SMOC2: variants seen among roughly 807,000 people sequenced by gnomAD.
SMOC2 encodes SPARC-related modular calcium-binding protein 2.
Under a neutral mutation model 61.4 loss-of-function variants are expected in SMOC2, and 39 were observed. The observed-to-expected ratio is 0.64, with a 90% confidence interval of 0.49 to 0.83. The LOEUF is 0.83. Among genes scored for constraint, SMOC2 ranks in the 40% least tolerant of loss-of-function variants. The probability of loss-of-function intolerance (pLI) is 0.00; values close to 1 mark genes in which losing one functional copy is unlikely to be tolerated. For synonymous variants in SMOC2, 247 were observed against 239.9 expected (o/e 1.03, Z -0.27); for missense variants, 556 against 592.9 (o/e 0.94, Z 0.65).
chr6:168,571,332 G>T (rs1223562672), intron 7 of SMOC2, among the ~76,000 whole-genome samples: 1 of 152,162 alleles, frequency 6.6e-6, no homozygotes, highest in African/African-American at 2.4e-5. Flanking sequence ...ATTCTGTTAC[G>T]CAGTGCTGCA....
chr6:168,653,373 T>A, intron 11 of SMOC2, 145 bp downstream of exon 11: 1 of 961,578 alleles, frequency 1.0e-6, no homozygotes, highest in Non-Finnish European at 1.5e-6. Context: ...TGGGCGTCTG[T>A]TTGCAGAAAT....
chr6:168,531,843 C>T (rs1783610307), intron 4 of SMOC2, among the ~76,000 whole-genome samples: 1 of 152,280 alleles, frequency 6.6e-6, no homozygotes, highest in South Asian at 2.1e-4. Context: ...GTTTCTCCCC[C>T]AAATACCAAA....
At chr6:168,490,184 A>G (rs1317516609) in intron 1 of SMOC2, among the ~76,000 whole-genome samples, 1 of 149,698 alleles carries the variant, frequency 6.7e-6, no homozygotes. Flanking sequence ...AAATATATCA[A>G]ATTGTCTGGG....
At chr6:168,649,142 G>A (rs950276416) in intron 9 of SMOC2, among the ~76,000 whole-genome samples, 2 of 152,196 alleles carry the variant, frequency 1.3e-5, no homozygotes, top group Non-Finnish European at 2.9e-5. Context: ...GCGGGGAAGG[G>A]GCCGTCCTCA....
At chr6:168,552,742 GT>G (rs1377114120) in intron 7 of SMOC2, among the ~76,000 whole-genome samples, 1 of 151,992 alleles carries the variant, frequency 6.6e-6, no homozygotes, top group Non-Finnish European at 1.5e-5. Flanking sequence ...CTCCTGTGGG[GT>G]TTGAACCAAA....
intron 9 of SMOC2, among the ~76,000 whole-genome samples, chr6:168,642,043 T>A (rs1171258674): frequency 2.0e-5 from 3 of 152,254 alleles, no homozygotes; most frequent in Non-Finnish European, 4.4e-5. Flanking sequence ...GCTTTTTCTT[T>A]AGTGTCTTTT....
intron 11 of SMOC2, among the ~76,000 whole-genome samples, chr6:168,653,817 T>C (rs75919385): frequency 8.8e-4 from 124 of 140,188 alleles, no homozygotes; most frequent in South Asian, 2.1e-3. Flanking sequence ...ACCACCCCTG[T>C]ACCTGAGCTC....
intron 1 of SMOC2, among the ~76,000 whole-genome samples, chr6:168,499,158 A>G (rs375661033): frequency 3.4e-5 from 5 of 146,808 alleles, no homozygotes; most frequent in African/African-American, 5.0e-5. Flanking sequence ...CCTGTCTACT[A>G]CACATGGAAA....
At chr6:168,552,135 T>C (rs2180347) in intron 7 of SMOC2, among the ~76,000 whole-genome samples, 7,995 of 152,274 alleles carry the variant, frequency 0.053, 337 homozygotes, top group South Asian at 0.18. Flanking sequence ...ATGTTCTTTC[T>C]GAGGGGCTGA....
intron 12 of SMOC2, among the ~76,000 whole-genome samples, chr6:168,666,051 TAAG>T (rs1787654298): frequency 6.6e-6 from 1 of 152,162 alleles, no homozygotes; most frequent in African/African-American, 2.4e-5. Context: ...AAAGGAAAAT[TAAG>T]AATCAACTAT....
chr6:168,548,953 T>A (rs1403147009), intron 6 of SMOC2, among the ~76,000 whole-genome samples, 176 bp from the exon 7 acceptor site: 1 of 152,228 alleles, frequency 6.6e-6, no homozygotes, highest in Non-Finnish European at 1.5e-5. Flanking sequence ...TAAATGTATA[T>A]TATGATTTCC....
chr6:168,582,049 C>T (rs538397556), intron 7 of SMOC2, among the ~76,000 whole-genome samples: 27 of 152,318 alleles, frequency 1.8e-4, no homozygotes, highest in African/African-American at 5.8e-4. Flanking sequence ...TGCCCGTTTC[C>T]TGATTTCTTC....
chr6:168,541,343 T>A (rs1318346954), intron 4 of SMOC2, among the ~76,000 whole-genome samples: 1 of 152,196 alleles, frequency 6.6e-6, no homozygotes, highest in Non-Finnish European at 1.5e-5. Context: ...CACAAAGGTG[T>A]TCACTGTCTG....
rs201140935 is a variant in SMOC2, at chr6:168,598,885, G to T, written c.705G>T (p.Val235=). 32 of 1,613,870 alleles carry T rather than the reference G, an allele frequency of 2.0e-5. No homozygotes were observed. In the East Asian group the frequency reaches 5.8e-4, roughly 29 times the overall value. ...EEAKQPKNDN[V]VIPECAHGGL... ...CCAAGCAGCCCAAGAACGACAATGTGGTGATCCCTGAGTGTGCGCACGGCG... is the reference window on the plus strand; with the variant it reads ...CCAAGCAGCCCAAGAACGACAATGTTGTGATCCCTGAGTGTGCGCACGGCG... Residue 235 remains valine, a synonymous_variant, in exon 8 of 13, where the codon GTG becomes GTT. Coordinates refer to ENST00000356284, the MANE Select transcript of SMOC2 (RefSeq NM_001166412.2).
intron 11 of SMOC2, among the ~76,000 whole-genome samples, chr6:168,662,942 A>G (rs1467705500): frequency 6.6e-6 from 1 of 152,200 alleles, no homozygotes; most frequent in Non-Finnish European, 1.5e-5. Flanking sequence ...TTGCAAGGGA[A>G]GATAATGAGT....
intron 1 of SMOC2, among the ~76,000 whole-genome samples, chr6:168,504,165 T>C (rs982763288): frequency 1.3e-5 from 2 of 152,078 alleles, no homozygotes; most frequent in African/African-American, 4.8e-5. Flanking sequence ...CCAGCTCCTC[T>C]GGGTTCCTTA....
chr6:168,656,521 A>AAAG (rs1562408448), intron 11 of SMOC2, among the ~76,000 whole-genome samples: 3 of 144,526 alleles, frequency 2.1e-5, no homozygotes, highest in East Asian at 4.1e-4. Context: ...AAAAAAAAAA[A>AAAG]AAAAAAAAAG....
Position 168,547,188 on chromosome 6 carries a change from T to C in SMOC2, c.562+19T>C. 1 of 1,612,894 alleles carries C rather than the reference T, an allele frequency of 6.2e-7. No individual in the cohort carries two copies. The highest frequency in any genetic ancestry group is 2.2e-5 in the East Asian group (1 of 44,856). On this transcript the variant is annotated intron_variant, in intron 6 of 12. Transcript: ENST00000356284. The stretch of plus-strand genomic sequence containing the variant: ...GAAGAAGGTGAGCCGGGGTGGGGAT[T>C]GCACAGTCTGGGTTGGGGAGGAGTG...
intron 6 of SMOC2, among the ~76,000 whole-genome samples, chr6:168,547,925 C>A (rs1177324650): frequency 1.3e-5 from 2 of 152,106 alleles, no homozygotes; most frequent in Admixed American, 6.6e-5. Flanking sequence ...AAATGTATGG[C>A]CATTTTCCCT....
Sources: allele counts gnomAD v4.1 joint callset (sites outside exome capture counted in the v4.1 genomes callset), GRCh38; gene constraint gnomAD v4.1.1; transcripts MANE v1.5; gene names NCBI Gene and HGNC (gene_info 2026-07-23, HGNC 2026-07-21).